RBFOX1: variants seen among roughly 807,000 people sequenced by gnomAD.
RBFOX1 encodes RNA binding protein fox-1 homolog 1.
Under a neutral mutation model 57.7 loss-of-function variants are expected in RBFOX1, and 8 were observed. The observed-to-expected ratio is 0.14, with a 90% confidence interval of 0.08 to 0.25. The LOEUF (loss-of-function observed/expected upper bound fraction) is 0.25. Ranked by LOEUF, RBFOX1 falls within the 10% of genes least tolerant of loss-of-function variation. The pLI is 1.00. For missense variants in RBFOX1, 611 were observed against 548.5 expected (o/e 1.11, Z -1.14); for synonymous variants, 326 against 222.4 (o/e 1.47, Z -4.15).
chr16:7,384,238 A>G (rs1568541280), intron 4 of RBFOX1, among the ~76,000 whole-genome samples: 1 of 151,934 alleles, frequency 6.6e-6, no homozygotes, highest in South Asian at 2.1e-4. Context: ...TGAATATGAA[A>G]AGCAAGGAGT....
chr16:6,370,675 C>T lies in RBFOX1; in HGVS notation c.-64+53618C>T, dbSNP rs552419934. On this transcript the variant is annotated intron_variant, in intron 2 of 15. Coordinates refer to ENST00000550418, the MANE Select transcript of RBFOX1 (RefSeq NM_018723.4). ...AAAGTAATATAGTGGTTCCTAGGGA[C>T]CAGGGGGAGGATAGAATGGGGAGTT... 2.6e-5 allele frequency among the ~76,000 whole-genome samples: 4 copies of T among 151,996 alleles called. No homozygotes were observed. The South Asian group carries it at 6.2e-4, about 24-fold the overall frequency.
Position 6,193,402 on chromosome 16 carries a change from A to ATATATATATT in RBFOX1, c.-126-123584_-126-123583insTTATATATAT, listed in dbSNP as rs2097158339. Among the ~76,000 whole-genome samples, 2 of 97,444 alleles carry ATATATATATT rather than the reference A, an allele frequency of 2.1e-5. 1 individual carries two copies. The highest frequency in any genetic ancestry group is 4.0e-5 in the Non-Finnish European group (2 of 49,436). 63.9% of individuals were successfully genotyped at this position (97,444 alleles called of 152,430 possible). ...CATTATATATATATACTATATATAT[A>ATATATATATT]TATATATATATATATATATATATAA... On this transcript the variant is annotated intron_variant, in intron 1 of 15. Transcript: ENST00000550418.
intron 3 of RBFOX1, among the ~76,000 whole-genome samples, chr16:5,662,788 T>C (rs1396875163): frequency 6.6e-6 from 1 of 152,248 alleles, no homozygotes; most frequent in Non-Finnish European, 1.5e-5. Context: ...GTTCACTGTT[T>C]AGTCCCCTCC....
intron 3 of RBFOX1, among the ~76,000 whole-genome samples, chr16:5,677,226 G>A (rs529507777): frequency 6.6e-6 from 1 of 152,336 alleles, no homozygotes; most frequent in South Asian, 2.1e-4. Flanking sequence ...CAATTCTCTT[G>A]AGGCTGTTGA....
At chr16:5,512,499 G>C (rs536360522) in intron 2 of RBFOX1, among the ~76,000 whole-genome samples, 44 of 151,800 alleles carry the variant, frequency 2.9e-4, no homozygotes, top group African/African-American at 1.0e-3. Flanking sequence ...TAGGGTGTTG[G>C]TTTAAACACA....
At chr16:7,041,470 T>C (rs956899312) in intron 3 of RBFOX1, among the ~76,000 whole-genome samples, 1 of 152,162 alleles carries the variant, frequency 6.6e-6, no homozygotes, top group Non-Finnish European at 1.5e-5. Flanking sequence ...TTGGCATTCT[T>C]CTCAGTTCTG....
intron 2 of RBFOX1, among the ~76,000 whole-genome samples, chr16:6,531,926 T>G (rs1479241742): frequency 6.6e-6 from 1 of 152,186 alleles, no homozygotes; most frequent in Non-Finnish European, 1.5e-5. Context: ...AAAAGAATAC[T>G]TATTAGCAGT....
chr16:5,676,281 A>G (rs1241102561), intron 3 of RBFOX1, among the ~76,000 whole-genome samples: 1 of 151,860 alleles, frequency 6.6e-6, no homozygotes, highest in South Asian at 2.1e-4. Context: ...AAAACATCAC[A>G]CCTTTTTACC....
intron 3 of RBFOX1, among the ~76,000 whole-genome samples, chr16:6,950,130 T>C (rs2080403412): frequency 7.0e-6 from 1 of 143,352 alleles, no homozygotes; most frequent in South Asian, 2.3e-4. Context: ...TTTTTTTTTT[T>C]TTTTTTAAGT....
intron 4 of RBFOX1, among the ~76,000 whole-genome samples, chr16:7,254,653 T>G (rs2094607695): frequency 6.6e-6 from 1 of 152,138 alleles, no homozygotes; most frequent in African/African-American, 2.4e-5. Flanking sequence ...TCCTGTCTTC[T>G]GATTGGAGGT....
chr16:6,868,875 G>T (rs575429220), intron 3 of RBFOX1, among the ~76,000 whole-genome samples: 5 of 152,194 alleles, frequency 3.3e-5, no homozygotes, highest in Non-Finnish European at 5.9e-5. Flanking sequence ...GGGAGGTGAT[G>T]TGACTTTCTC....
At chr16:5,319,015 T>C (rs1241518433) in intron 1 of RBFOX1, among the ~76,000 whole-genome samples, 2 of 152,058 alleles carry the variant, frequency 1.3e-5, no homozygotes, top group African/African-American at 4.8e-5. Context: ...TAGTCCCAGC[T>C]ACTTGGGAGG....
intron 1 of RBFOX1, among the ~76,000 whole-genome samples, chr16:6,075,031 G>A (rs568000758): frequency 4.6e-4 from 70 of 152,278 alleles, no homozygotes; most frequent in South Asian, 2.3e-3. Context: ...TCTGGAACAC[G>A]AACCTCCAGA....
chr16:7,597,503 C>G (rs2094766670), intron 9 of RBFOX1, 72 bp downstream of exon 9: 2 of 1,352,026 alleles, frequency 1.5e-6, no homozygotes, highest in South Asian at 1.3e-5. Flanking sequence ...ACCAGAGATT[C>G]TATTACAACA....
intron 2 of RBFOX1, among the ~76,000 whole-genome samples, chr16:6,380,065 C>T (rs1382642014): frequency 2.0e-5 from 3 of 151,884 alleles, no homozygotes; most frequent in Non-Finnish European, 2.9e-5. Context: ...GGCTTTATGG[C>T]GGGGATTTGA....
intron 1 of RBFOX1, among the ~76,000 whole-genome samples, chr16:5,250,998 G>C (rs1596306493): frequency 6.6e-6 from 1 of 152,260 alleles, no homozygotes; most frequent in African/African-American, 2.4e-5. Context: ...GTCCTCTGTA[G>C]ACATCATCTT....
At chr16:5,360,991 G>T (rs967117948) in intron 1 of RBFOX1, among the ~76,000 whole-genome samples, 2 of 152,104 alleles carry the variant, frequency 1.3e-5, no homozygotes, top group African/African-American at 4.8e-5. Context: ...ACCATACCAA[G>T]GCTGCACACG....
At chr16:5,731,578 T>G (rs574484666) in intron 3 of RBFOX1, among the ~76,000 whole-genome samples, 1 of 152,150 alleles carries the variant, frequency 6.6e-6, no homozygotes, top group African/African-American at 2.4e-5. Flanking sequence ...CTTCTGAGAT[T>G]AGCAAATATA....
At chr16:5,684,006 A>G (rs2050426638) in intron 3 of RBFOX1, among the ~76,000 whole-genome samples, 1 of 152,050 alleles carries the variant, frequency 6.6e-6, no homozygotes, top group Non-Finnish European at 1.5e-5. Flanking sequence ...ATCACAGCGT[A>G]GGAGAATGCA....
Sources: allele counts gnomAD v4.1 joint callset (sites outside exome capture counted in the v4.1 genomes callset), GRCh38; gene constraint gnomAD v4.1.1; transcripts MANE v1.5; gene names NCBI Gene and HGNC (gene_info 2026-07-23, HGNC 2026-07-21).